The following PCGF3 variants were observed in gnomAD, a reference collection of about 807,000 sequenced individuals.
The protein encoded by PCGF3 is polycomb group RING finger protein 3.
In PCGF3, 7 loss-of-function variants were observed where a neutral mutation model predicts 33.1. The ratio of observed to expected loss-of-function variants is 0.21; its 90% CI spans 0.12 to 0.40. The LOEUF (loss-of-function observed/expected upper bound fraction) is 0.40, where lower values mean the gene tolerates loss of function less well. Among genes scored for constraint, PCGF3 ranks in the 10% least tolerant of loss-of-function variants. The pLI is 1.00. For synonymous variants in PCGF3, 153 were observed against 121.3 expected (o/e 1.26, Z -1.72); for missense variants, 211 against 313.3 (o/e 0.67, Z 2.46).
rs190633017 is a variant in PCGF3, at chr4:753,537, G to A, written c.463-7742G>A. Among the ~76,000 whole-genome samples the A allele has an allele frequency of 1.3e-3, 195 of 151,926 alleles. 1 individual carries two copies. Among genetic ancestry groups the A allele is most frequent in the African/African-American group, 3.8e-3 (156 of 41,296 alleles). ...GGCGTGGTCGTGGGCACCTGTACTC[G>A]GAGGCTGAGGCAGGATAATGGCGTA... On this transcript the variant is annotated intron_variant, in intron 8 of 10. Transcript: ENST00000362003.
intron 1 of PCGF3, among the ~76,000 whole-genome samples, chr4:718,443 A>G (rs910034947): frequency 6.6e-6 from 1 of 152,158 alleles, no homozygotes; most frequent in Non-Finnish European, 1.5e-5. Context: ...TAGTGAATGT[A>G]CCTTAGGTCT....
chr4:729,352 C>G (rs1270079993), intron 1 of PCGF3, among the ~76,000 whole-genome samples: 1 of 150,726 alleles, frequency 6.6e-6, no homozygotes, highest in Non-Finnish European at 1.5e-5. Context: ...GAGGTCAAGG[C>G]TGTAGTGAGC....
At chr4:734,490 A>C in intron 4 of PCGF3, 1 of 1,234,930 alleles carries the variant, frequency 8.1e-7, no homozygotes, top group Non-Finnish European at 1.0e-6. Flanking sequence ...TTTTGACTTT[A>C]ACGTTAATCG....
intron 3 of PCGF3, 180 bp downstream of exon 3, chr4:731,290 T>TG (rs1256687997): frequency 5.0e-6 from 2 of 398,506 alleles, no homozygotes; most frequent in Admixed American, 4.4e-5. Context: ...CAGCCAGCTG[T>TG]GGGGGTCCCA....
At chr4:753,680 GCT>G (rs1744631994) in intron 8 of PCGF3, among the ~76,000 whole-genome samples, 1 of 151,580 alleles carries the variant, frequency 6.6e-6, no homozygotes, top group Non-Finnish European at 1.5e-5. Flanking sequence ...AGGCACGGTG[GCT>G]CACGCCTGTA....
In PCGF3 at chr4:720,716, AC is replaced by A. The variant is rs1352595197; in HGVS notation, c.-189-9913del. 6.7e-6 allele frequency among the ~76,000 whole-genome samples: 1 copy of A among 148,998 alleles called. No individual in the cohort carries two copies. The highest frequency in any genetic ancestry group is 1.5e-5 in the Non-Finnish European group (1 of 67,440). ...TGACGTGCGTGTGGACCCGGCGTGG[AC>A]GGGCGGTGACGTGCGTGTGGACCCG... is the stretch of plus-strand genomic sequence containing the variant. On this transcript the variant is annotated intron_variant, in intron 1 of 10. Coordinates refer to ENST00000362003, the Ensembl canonical transcript of PCGF3. This position sits in a 1 kb window ranked among gnomAD's most constrained non-coding sequence, Gnocchi z 5.6.
intron 9 of PCGF3, 116 bp downstream of exon 9, chr4:761,532 A>G (rs763055521): frequency 1.3e-5 from 19 of 1,428,916 alleles, no homozygotes; most frequent in Non-Finnish European, 1.6e-5. Context: ...GATTTTAACC[A>G]GAAAAAAATC....
chr4:741,070 C>G (rs751656458), intron 6 of PCGF3, among the ~76,000 whole-genome samples: 1 of 152,238 alleles, frequency 6.6e-6, no homozygotes, highest in Non-Finnish European at 1.5e-5. Context: ...ACTTTCTCAT[C>G]CGTCATACTG....
intron 1 of PCGF3, chr4:722,176 C>T (rs1743107912): frequency 6.4e-6 from 1 of 156,540 alleles, no homozygotes; most frequent in Non-Finnish European, 1.4e-5. Context: ...AGAACAGCCG[C>T]TGCCTCTTAG....
intron 1 of PCGF3, among the ~76,000 whole-genome samples, chr4:727,233 CTTTTTTTT>C (rs57690550): frequency 1.5e-3 from 90 of 61,900 alleles, no homozygotes; most frequent in African/African-American, 3.7e-3. Flanking sequence ...TAGCGAGCGT[CTTTTTTTT>C]TTTTTTTTTT....
chr4:733,593 G>C, intron 3 of PCGF3, 79 bp from the exon 4 acceptor site: 1 of 1,435,444 alleles, frequency 7.0e-7, no homozygotes. Context: ...TCCTCCCTGG[G>C]GGCGGCTGTC....
rs1401300897 is a variant in PCGF3, at chr4:720,287, G to A, written c.-189-10343G>A. On this transcript the variant is annotated intron_variant, in intron 1 of 10. Transcript: ENST00000362003. This position sits in a 1 kb window ranked among gnomAD's most constrained non-coding sequence, Gnocchi z 5.6. ...TGCATCGCTGCAGAGGGTGACTGCG[G>A]GAGGAGTGCCCGCCCATGCATCGCT... Among the ~76,000 whole-genome samples, 1 of 152,090 alleles carries A rather than the reference G, an allele frequency of 6.6e-6. No homozygotes were observed. Among genetic ancestry groups the A allele is most frequent in the Admixed American group, 6.5e-5 (1 of 15,282 alleles).
In PCGF3 at chr4:744,593, C is replaced by A; in HGVS notation, c.374-7C>A. 6.4e-7 allele frequency: 1 copy of A among 1,551,526 alleles called. No individual in the cohort carries two copies. The highest frequency in any genetic ancestry group is 8.7e-7 in the Non-Finnish European group (1 of 1,146,112). Reference sequence around the variant, plus strand: ...CATGGTGCGCTATGTTCTGTTTGTGCTAAAAGGTGAAACCAAAGCAGACGA... The same window carrying A: ...CATGGTGCGCTATGTTCTGTTTGTGATAAAAGGTGAAACCAAAGCAGACGA... On this transcript the variant is annotated splice_polypyrimidine_tract_variant and splice_region_variant and intron_variant, in intron 7 of 10. Coordinates refer to ENST00000362003, the Ensembl canonical transcript of PCGF3.
intron 1 of PCGF3, among the ~76,000 whole-genome samples, chr4:729,686 C>T (rs1743472479): frequency 6.6e-6 from 1 of 152,210 alleles, no homozygotes; most frequent in African/African-American, 2.4e-5. Context: ...CTACTCTTTC[C>T]CTTCTTCCTC....
rs1052288680 is a variant in PCGF3 at position 720,083 on chromosome 4, A to G, written c.-189-10547A>G. Among the ~76,000 whole-genome samples, 1 of 152,150 alleles carries G rather than the reference A, an allele frequency of 6.6e-6. No individual in the cohort carries two copies. The highest frequency in any genetic ancestry group is 1.5e-5 in the Non-Finnish European group (1 of 68,010). On this transcript the variant is annotated intron_variant, in intron 1 of 10. Transcript: ENST00000362003. The surrounding 1 kb of genome is among the most constrained non-coding windows in gnomAD (Gnocchi z 5.6). ...TTTTGCAGAGCCCGTTGGTGAAGGCAGGGGTGCCTCTGGCATCGACTGGAT... is the reference window on the plus strand; with the variant it reads ...TTTTGCAGAGCCCGTTGGTGAAGGCGGGGGTGCCTCTGGCATCGACTGGAT...
At chr4:765,326 A>G (rs1447405284) in intron 10 of PCGF3, among the ~76,000 whole-genome samples, 2 of 152,116 alleles carry the variant, frequency 1.3e-5, no homozygotes, top group East Asian at 1.9e-4. Flanking sequence ...TCAGCTACTC[A>G]GGAGGCTGAG....
At chr4:741,947 T>G (rs1278854010) in intron 6 of PCGF3, among the ~76,000 whole-genome samples, 2 of 152,122 alleles carry the variant, frequency 1.3e-5, no homozygotes, top group East Asian at 3.9e-4. Context: ...TGTCAGCCCC[T>G]GTCTTGCAGG....
chr4:750,754 G>T (rs928348373), intron 8 of PCGF3, among the ~76,000 whole-genome samples: 10 of 152,120 alleles, frequency 6.6e-5, no homozygotes, highest in African/African-American at 2.4e-4. Context: ...ACCTCGCGGT[G>T]TTGCTTAGGA....
intron 8 of PCGF3, chr4:756,981 A>C (rs1225118604): frequency 6.6e-6 from 1 of 152,222 alleles, no homozygotes; most frequent in Non-Finnish European, 1.5e-5. Flanking sequence ...GCATGCTTGT[A>C]ACTTAGTGTA....
Sources: gnomAD v4.1 joint callset for allele counts (sites outside exome capture counted in the v4.1 genomes callset) on GRCh38, gnomAD v4.1.1 for gene constraint, Gnocchi (gnomAD v3.1) non-coding constraint, MANE v1.5 for transcripts, NCBI Gene and HGNC (gene_info 2026-07-23, HGNC 2026-07-21) for gene names.